The following PPP3CA variants were observed in gnomAD, a reference collection of about 807,000 sequenced individuals.
PPP3CA encodes the protein CAM-PRP catalytic subunit.
A neutral mutation model predicts 66.5 loss-of-function variants in PPP3CA; 14 were observed. That is an observed-to-expected ratio of 0.21 (90% CI 0.14 to 0.33). PPP3CA has a LOEUF of 0.33. Among genes scored for constraint, PPP3CA ranks in the 10% least tolerant of loss-of-function variants. PPP3CA has a pLI of 1.00. For missense variants in PPP3CA, 317 were observed against 639.5 expected (o/e 0.50, Z 5.44); for synonymous variants, 232 against 226.2 (o/e 1.03, Z -0.23).
intron 3 of PPP3CA, among the ~76,000 whole-genome samples, chr4:101,106,450 A>AAAGAAAG (rs751759518): frequency 0.068 from 757 of 11,118 alleles, 162 homozygotes; most frequent in East Asian, 0.093. Flanking sequence ...AGAAAGAAAG[A>AAAGAAAG]AAGAGAAAAG....
chr4:101,111,913 G>A (rs1326392057), intron 2 of PPP3CA, among the ~76,000 whole-genome samples: 4 of 152,130 alleles, frequency 2.6e-5, no homozygotes, highest in African/African-American at 2.4e-5. Context: ...ATAGAACTCC[G>A]GTGCTTGGAG....
intron 1 of PPP3CA, among the ~76,000 whole-genome samples, chr4:101,207,706 A>G (rs912941010): frequency 3.9e-5 from 6 of 152,132 alleles, no homozygotes; most frequent in Non-Finnish European, 8.8e-5. Context: ...GGCGCCTGTA[A>G]TCCCAGCTAC....
At chr4:101,245,845 C>T (rs1726459480) in intron 1 of PPP3CA, among the ~76,000 whole-genome samples, 1 of 152,016 alleles carries the variant, frequency 6.6e-6, no homozygotes, top group African/African-American at 2.4e-5. Context: ...TTCCTCCCTT[C>T]AGAACACACA....
intron 11 of PPP3CA, among the ~76,000 whole-genome samples, chr4:101,035,235 C>T (rs1271062916): frequency 1.3e-5 from 2 of 152,136 alleles, no homozygotes; most frequent in Non-Finnish European, 2.9e-5. Context: ...TGCCACTGCA[C>T]TCCAGCCAGA....
intron 1 of PPP3CA, among the ~76,000 whole-genome samples, chr4:101,249,161 T>C (rs1334802952): frequency 1.4e-5 from 1 of 70,806 alleles, no homozygotes; most frequent in African/African-American, 7.0e-5. Context: ...AGCGAGACTC[T>C]GTCTCAAAAA....
intron 2 of PPP3CA, among the ~76,000 whole-genome samples, chr4:101,114,002 G>A (rs998882158): frequency 7.9e-5 from 12 of 152,096 alleles, no homozygotes; most frequent in African/African-American, 2.9e-4. Flanking sequence ...CTTAAGGCAA[G>A]TTCACACTTA....
chr4:101,091,936 A>G (rs1729969894), intron 6 of PPP3CA, among the ~76,000 whole-genome samples: 1 of 151,504 alleles, frequency 6.6e-6, no homozygotes, highest in South Asian at 2.1e-4. Flanking sequence ...AAAAATTCTC[A>G]TCTTCTTCAT....
chr4:101,282,925 T>A (rs1422682683), intron 1 of PPP3CA, among the ~76,000 whole-genome samples: 1 of 152,210 alleles, frequency 6.6e-6, no homozygotes, highest in African/African-American at 2.4e-5. Context: ...ATGCCTTTCT[T>A]TTCTATCTAT....
At chr4:101,156,389 G>C (rs1470927687) in intron 2 of PPP3CA, among the ~76,000 whole-genome samples, 2 of 152,028 alleles carry the variant, frequency 1.3e-5, no homozygotes, top group Non-Finnish European at 2.9e-5. Context: ...ATAGAAAAAG[G>C]CATATTCCAG....
chr4:101,255,851 TTC>T (rs1726823458), intron 1 of PPP3CA, among the ~76,000 whole-genome samples: 4 of 151,878 alleles, frequency 2.6e-5, no homozygotes, highest in Non-Finnish European at 4.4e-5. Flanking sequence ...TCACTGTTGG[TTC>T]TGTGTTAATG....
At chr4:101,326,857 C>G (rs1378324704) in intron 1 of PPP3CA, among the ~76,000 whole-genome samples, 6 of 152,162 alleles carry the variant, frequency 3.9e-5, no homozygotes, top group African/African-American at 1.4e-4. Context: ...GAAAAGAAAC[C>G]TCTTAAATAT....
At chr4:101,139,035 AATT>A (rs1722712467) in intron 2 of PPP3CA, among the ~76,000 whole-genome samples, 1 of 152,132 alleles carries the variant, frequency 6.6e-6, no homozygotes, top group Non-Finnish European at 1.5e-5. Flanking sequence ...CAAGTATTTT[AATT>A]TATGTAAACA....
At chr4:101,284,175 TTGG>T (rs1462877330) in intron 1 of PPP3CA, among the ~76,000 whole-genome samples, 7 of 152,162 alleles carry the variant, frequency 4.6e-5, no homozygotes, top group Admixed American at 4.6e-4. Context: ...TTATGTGTCT[TTGG>T]TTATTGTTTG....
At chr4:101,215,482 T>A (rs1160790869) in intron 1 of PPP3CA, among the ~76,000 whole-genome samples, 5 of 152,056 alleles carry the variant, frequency 3.3e-5, no homozygotes, top group African/African-American at 1.2e-4. Context: ...AGTTTTCTAT[T>A]TTTTTCTCTT....
intron 2 of PPP3CA, among the ~76,000 whole-genome samples, chr4:101,175,865 A>G (rs1560641617): frequency 1.3e-5 from 2 of 152,186 alleles, no homozygotes; most frequent in Admixed American, 1.3e-4. Context: ...AGTTAAGTTT[A>G]AGAAACTGAA....
rs569337130 is a variant in PPP3CA at position 101,142,639 on chromosome 4, C to T, written c.260-33561G>A. Among the ~76,000 whole-genome samples, 40 of 152,208 alleles carry T rather than the reference C, an allele frequency of 2.6e-4. 2 individuals carry two copies. Among genetic ancestry groups the T allele is most frequent in the African/African-American group, 8.7e-4 (36 of 41,536 alleles). ...CTGGATTCAAACTTTCAGGCTCAAG[C>T]GATCCTCCCACCTCAGCCTCCTGAG... is the stretch of plus-strand genomic sequence containing the variant. On this transcript the variant is annotated intron_variant, in intron 2 of 13. Transcript: ENST00000394854.
intron 1 of PPP3CA, among the ~76,000 whole-genome samples, chr4:101,210,803 G>A (rs1179069224): frequency 6.6e-6 from 1 of 152,014 alleles, no homozygotes; most frequent in Non-Finnish European, 1.5e-5. Flanking sequence ...ACTCTTACAA[G>A]GCGGCCTACA....
At chr4:101,270,345 C>G (rs2850341) in intron 1 of PPP3CA, among the ~76,000 whole-genome samples, 139,378 of 152,150 alleles carry the variant, frequency 0.92, 64,029 homozygotes, top group African/African-American at 0.97. Context: ...AGGCATACAG[C>G]GATGTTCAAT....
chr4:101,245,504 C>T (rs1726448898), intron 1 of PPP3CA, among the ~76,000 whole-genome samples: 1 of 152,080 alleles, frequency 6.6e-6, no homozygotes, highest in Non-Finnish European at 1.5e-5. Context: ...TTGAATTTAC[C>T]TTTTATCCTC....
Sources: allele counts gnomAD v4.1 joint callset (sites outside exome capture counted in the v4.1 genomes callset), GRCh38; gene constraint gnomAD v4.1.1; transcripts MANE v1.5; gene names NCBI Gene and HGNC (gene_info 2026-07-23, HGNC 2026-07-21).